Variants in DOC2B observed in about 807,000 individuals in gnomAD.
DOC2B encodes double C2-like domain-containing protein beta.
Under a neutral mutation model 28.9 loss-of-function variants are expected in DOC2B, and 21 were observed. That is an observed-to-expected ratio of 0.73 (90% CI 0.52 to 1.05). The LOEUF (loss-of-function observed/expected upper bound fraction) is 1.05, where lower values mean the gene tolerates loss of function less well. DOC2B is among the 50% of genes least tolerant of loss of function. The pLI is 0.00. For synonymous variants in DOC2B, 194 were observed against 178.1 expected (o/e 1.09, Z -0.71); for missense variants, 384 against 421.1 (o/e 0.91, Z 0.77).
intron 6 of DOC2B, among the ~76,000 whole-genome samples, chr17:152,787 A>T (rs1555521930): frequency 6.6e-6 from 1 of 152,090 alleles, no homozygotes; most frequent in Non-Finnish European, 1.5e-5. Flanking sequence ...GAAAGGAAGA[A>T]ATAAAGAAAA....
intron 5 of DOC2B, among the ~76,000 whole-genome samples, chr17:160,071 G>T (rs1409275024): frequency 6.8e-6 from 1 of 146,822 alleles, no homozygotes; most frequent in Non-Finnish European, 1.5e-5. Context: ...TGCAACCTCC[G>T]CCTCTCAGGT....
chr17:159,712 C>T (rs2040177348), intron 5 of DOC2B, among the ~76,000 whole-genome samples: 1 of 152,176 alleles, frequency 6.6e-6, no homozygotes, highest in Non-Finnish European at 1.5e-5. Flanking sequence ...CACTGTGAGT[C>T]CCTGAACGGC....
At chr17:155,018 T>C (rs531047163) in intron 6 of DOC2B, among the ~76,000 whole-genome samples, 1 of 152,316 alleles carries the variant, frequency 6.6e-6, no homozygotes, top group African/African-American at 2.4e-5. Context: ...CACGAGCCAC[T>C]GCACTCAGCC....
chr17:166,162 C>T (rs1555523878), intron 2 of DOC2B, among the ~76,000 whole-genome samples: 1 of 152,214 alleles, frequency 6.6e-6, no homozygotes, highest in Non-Finnish European at 1.5e-5. Context: ...CCCTGAGCAC[C>T]CTGGGCAGCC....
chr17:148,326 G>T (rs980019851), intron 7 of DOC2B, 57 bp from the exon 8 acceptor site: 31 of 398,504 alleles, frequency 7.8e-5, no homozygotes, highest in Middle Eastern at 1.2e-3. Context: ...TCCGCCGGGG[G>T]CCAGGAGGGG....
At chr17:151,485 G>A (rs954224955) in intron 6 of DOC2B, among the ~76,000 whole-genome samples, 1 of 152,082 alleles carries the variant, frequency 6.6e-6, no homozygotes, top group African/African-American at 2.4e-5. Context: ...GCGTCATGTC[G>A]GTGCTTGGAA....
intron 6 of DOC2B, among the ~76,000 whole-genome samples, chr17:153,943 C>T (rs949393577): frequency 2.6e-5 from 4 of 152,142 alleles, no homozygotes; most frequent in Non-Finnish European, 5.9e-5. Context: ...GCCCATGTCC[C>T]CTCAAGCTTC....
intron 6 of DOC2B, among the ~76,000 whole-genome samples, chr17:154,710 C>T (rs1178848823): frequency 6.6e-6 from 1 of 152,008 alleles, no homozygotes; most frequent in Non-Finnish European, 1.5e-5. Context: ...AGTGGCCATC[C>T]CATTATTCTC....
At position 161,484 on chromosome 17, in the gene DOC2B, A is replaced by C. The variant is rs917672676; in HGVS notation, c.696T>G (p.Arg232=). The stretch of plus-strand genomic sequence containing the variant: ...TGGGTTTCAGCTTCTTCAGGGGCAC[A>C]CGTGTCTCCCCGATGAACTCATTGT... The part of the protein sequence containing the change: ...FRHNEFIGET[R]VPLKKLKPNH... The change falls in exon 5 of 9, where the codon CGT becomes CGG. Residue 232 remains arginine, a synonymous_variant. Transcript: ENST00000613549. 5.2e-6 allele frequency: 8 copies of C among 1,551,556 alleles called. No homozygotes were observed. The African/African-American group carries it at 8.2e-5, about 16-fold the overall frequency.
At chr17:162,657 G>C (rs2040218787) in intron 3 of DOC2B, among the ~76,000 whole-genome samples, 1 of 152,246 alleles carries the variant, frequency 6.6e-6, no homozygotes. Flanking sequence ...AACCTGCAGA[G>C]CAGTCCGAGA....
intron 1 of DOC2B, among the ~76,000 whole-genome samples, chr17:178,738 C>T (rs1257232524): frequency 6.6e-6 from 1 of 152,268 alleles, no homozygotes; most frequent in Admixed American, 6.5e-5. Context: ...ATAAACAGCA[C>T]TTCACTCTCT....
chr17:179,252 C>T (rs927507048), intron 1 of DOC2B, among the ~76,000 whole-genome samples: 2 of 152,226 alleles, frequency 1.3e-5, no homozygotes, highest in African/African-American at 2.4e-5. Flanking sequence ...GGCCCCTGCA[C>T]CGCATGTATC....
intron 3 of DOC2B, 43 bp from the exon 4 acceptor site, chr17:162,233 T>A (rs1555523353): frequency 6.9e-7 from 1 of 1,444,306 alleles, no homozygotes; most frequent in African/African-American, 1.4e-5. Context: ...AAAGTGTGTA[T>A]CAAACAGAAC....
intron 5 of DOC2B, among the ~76,000 whole-genome samples, chr17:158,713 G>C (rs1555522867): frequency 6.6e-6 from 1 of 152,222 alleles, no homozygotes; most frequent in Non-Finnish European, 1.5e-5. Context: ...GCCCTGTGCT[G>C]CTTGTGTCAG....
rs143500173 is a variant in DOC2B at position 152,955 on chromosome 17, T to A, written c.923+3265A>T. Among the ~76,000 whole-genome samples, 832 of 152,208 alleles carry A rather than the reference T, an allele frequency of 5.5e-3. 3 individuals are homozygous for A. Among genetic ancestry groups the A allele is most frequent in the Middle Eastern group, 0.024 (7 of 294 alleles). On this transcript the variant is annotated intron_variant, in intron 6 of 8. Coordinates refer to ENST00000613549, the MANE Select transcript of DOC2B (RefSeq NM_003585.5). Reference sequence around the variant, plus strand: ...GAGGGGTGCCCCTCTTACCATCTAATCTGTGCCCTTATTTCCTCTGCTTTA... The same window carrying A: ...GAGGGGTGCCCCTCTTACCATCTAAACTGTGCCCTTATTTCCTCTGCTTTA...
At chr17:177,028 ATTTTTTTTT>A (rs5818738) in intron 1 of DOC2B, among the ~76,000 whole-genome samples, 1 of 131,136 alleles carries the variant, frequency 7.6e-6, no homozygotes, top group Admixed American at 7.8e-5. Flanking sequence ...ATCTGCCCTG[ATTTTTTTTT>A]TTTTTTTTTT....
Position 181,110 on chromosome 17 carries a change from AGTC to A in DOC2B, c.367_369del (p.Asp123del). ...AGTCGGCGCGTGGGAAACTTACTGC[AGTC>A]GTCCGACTCGTAGCCGTCGGCGTCC... On this transcript the variant is annotated inframe_deletion, in exon 1 of 9. Transcript: ENST00000613549. The surrounding 1 kb of genome is among the most constrained non-coding windows in gnomAD (Gnocchi z 7.0). 8.0e-7 allele frequency: 1 copy of A among 1,248,080 alleles called. No individual in the cohort carries two copies. Among genetic ancestry groups the A allele is most frequent in the Non-Finnish European group, 1.0e-6 (1 of 995,560 alleles). 77.3% of individuals were successfully genotyped at this position (1,248,080 alleles called of 1,614,324 possible).
Position 181,073 on chromosome 17 carries a change from G to T in DOC2B, c.373+34C>A, listed in dbSNP as rs1189205000. The T allele has an allele frequency of 1.6e-6, 2 of 1,231,012 alleles. No homozygotes were observed. The highest frequency in any genetic ancestry group is 2.0e-6 in the Non-Finnish European group (2 of 984,916). 76.3% of individuals were successfully genotyped at this position (1,231,012 alleles called of 1,614,324 possible). On this transcript the variant is annotated intron_variant, in intron 1 of 8. Coordinates refer to ENST00000613549, the MANE Select transcript of DOC2B (RefSeq NM_003585.5). The surrounding 1 kb of genome is among the most constrained non-coding windows in gnomAD (Gnocchi z 7.0). ...TGGGGGGGCCGAGCCCGAGCCAGGG[G>T]AGGGGGCGCGAAGTCGGCGCGTGGG...
rs1414623672 is a variant in DOC2B, at chr17:147,329, G to C, written c.*112C>G. On this transcript the variant is annotated 3_prime_UTR_variant, in exon 9 of 9. Transcript: ENST00000613549. Reference sequence around the variant, plus strand: ...GCAGTGGCTCTGTGTCCAAGCAGGGGTTCTGGATCTCCCCCAGTGTGGGGG... The same window carrying C: ...GCAGTGGCTCTGTGTCCAAGCAGGGCTTCTGGATCTCCCCCAGTGTGGGGG... 2 of 397,670 alleles carry C rather than the reference G, an allele frequency of 5.0e-6. No homozygotes were observed. Among genetic ancestry groups the C allele is most frequent in the African/African-American group, 4.1e-5 (2 of 48,604 alleles). 24.6% of individuals were successfully genotyped at this position (397,670 alleles called of 1,614,324 possible).
Sources: gnomAD v4.1 joint callset for allele counts (sites outside exome capture counted in the v4.1 genomes callset) on GRCh38, gnomAD v4.1.1 for gene constraint, Gnocchi (gnomAD v3.1) non-coding constraint, MANE v1.5 for transcripts, NCBI Gene and HGNC (gene_info 2026-07-23, HGNC 2026-07-21) for gene names.